The following IGF2R variants were observed in gnomAD, a reference collection of about 807,000 sequenced individuals.
The protein encoded by IGF2R is insulin like growth factor 2 receptor.
In IGF2R, 91 loss-of-function variants were observed where a neutral mutation model predicts 270.6. The ratio of observed to expected loss-of-function variants is 0.34; its 90% CI spans 0.28 to 0.40. IGF2R has a LOEUF of 0.40. Ranked by LOEUF, IGF2R falls within the 10% of genes least tolerant of loss-of-function variation. IGF2R has a pLI of 1.00. For synonymous variants in IGF2R, 1,316 were observed against 1,258.9 expected (o/e 1.05, Z -0.96); for missense variants, 2,805 against 3,188.3 (o/e 0.88, Z 2.90).
chr6:160,019,687 A>G (rs1777387331), intron 4 of IGF2R, among the ~76,000 whole-genome samples: 1 of 152,182 alleles, frequency 6.6e-6, no homozygotes, highest in South Asian at 2.1e-4. Flanking sequence ...AATGTGATTC[A>G]CCATTTAAAC....
At chr6:160,099,392 A>G (rs1047912138) in intron 45 of IGF2R, among the ~76,000 whole-genome samples, 1 of 148,666 alleles carries the variant, frequency 6.7e-6, no homozygotes, top group South Asian at 2.1e-4. Context: ...TTTTTGAGAC[A>G]GAGTCTCGCT....
chr6:160,072,070 A>C (rs1435221761), intron 32 of IGF2R, 34 bp downstream of exon 32: 2 of 1,613,082 alleles, frequency 1.2e-6, no homozygotes, highest in Non-Finnish European at 1.7e-6. Flanking sequence ...ACCCCAGCGC[A>C]GGTGAGAGAC....
At chr6:160,064,243 C>T (rs1305925392) in intron 27 of IGF2R, among the ~76,000 whole-genome samples, 158 bp from the exon 28 acceptor site, 1 of 152,078 alleles carries the variant, frequency 6.6e-6, no homozygotes, top group Non-Finnish European at 1.5e-5. Context: ...GATTTTATTC[C>T]CAAAGTGTAA....
At chr6:160,024,529 A>T (rs375391867) in intron 4 of IGF2R, 43 bp from the exon 5 acceptor site, 41 of 1,602,834 alleles carry the variant, frequency 2.6e-5, no homozygotes, top group African/African-American at 1.9e-4. Flanking sequence ...CTGATTGACC[A>T]AGATGTATAC....
At chr6:160,019,308 C>CA (rs1777377010) in intron 4 of IGF2R, among the ~76,000 whole-genome samples, 1 of 151,946 alleles carries the variant, frequency 6.6e-6, no homozygotes, top group South Asian at 2.1e-4. Flanking sequence ...AAAAACAAAA[C>CA]AAACAAAACA....
chr6:160,094,981 G>A (rs1779317576), intron 44 of IGF2R: 1 of 151,460 alleles, frequency 6.6e-6, no homozygotes, highest in Admixed American at 6.6e-5. Context: ...GGGAGTATGA[G>A]ATCATCCTCT....
chr6:160,085,200 C>A lies in IGF2R; in HGVS notation c.6205+69C>A, dbSNP rs138720160. On this transcript the variant is annotated intron_variant, in intron 41 of 47. Coordinates refer to ENST00000356956, the MANE Select transcript of IGF2R (RefSeq NM_000876.4). ...TGAACCGGGAAGGTGAGGGTGTTCT[C>A]AGGATGGCAAGGAGAGTGAGCATGT... 6,079 of 1,531,704 alleles carry A rather than the reference C, an allele frequency of 4.0e-3. 16 individuals are homozygous for A. Among genetic ancestry groups the A allele is most frequent in the Non-Finnish European group, 4.9e-3 (5,537 of 1,119,996 alleles). 94.9% of individuals were successfully genotyped at this position (1,531,704 alleles called of 1,614,324 possible).
At chr6:160,013,792 C>T (rs1777206613) in intron 4 of IGF2R, among the ~76,000 whole-genome samples, 2 of 152,080 alleles carry the variant, frequency 1.3e-5, no homozygotes, top group Non-Finnish European at 2.9e-5. Context: ...ATAATGACTG[C>T]TAAAAATGTA....
At position 160,073,854 on chromosome 6, in the gene IGF2R, A is replaced by G. The variant is rs369928098; in HGVS notation, c.5045A>G (p.Asp1682Gly). The change falls in exon 35 of 48, where the codon GAT becomes GGT. Residue 1682 changes from aspartate to glycine, a missense_variant. Coordinates refer to ENST00000356956, the MANE Select transcript of IGF2R (RefSeq NM_000876.4). ...GAGGCTTATGATGAGAGTGAGGATG[A>G]TGCCTCCGATACCAACCCTGATTTC... ...GYEAYDESED[D>G]ASDTNPDFYI... is the part of the protein sequence containing the mutation. The G allele has an allele frequency of 6.2e-7, 1 of 1,613,994 alleles. No individual in the cohort carries two copies. The highest frequency in any genetic ancestry group is 8.5e-7 in the Non-Finnish European group (1 of 1,179,866).
At chr6:160,040,832 C>A in intron 11 of IGF2R, 108 bp downstream of exon 11, 1 of 1,104,504 alleles carries the variant, frequency 9.1e-7, no homozygotes, top group Non-Finnish European at 1.3e-6. Flanking sequence ...TGGGTTGCGT[C>A]ACAGCCCTCC....
At chr6:160,054,525 A>G (rs552056108) in intron 19 of IGF2R, among the ~76,000 whole-genome samples, 47 of 152,298 alleles carry the variant, frequency 3.1e-4, no homozygotes, top group Middle Eastern at 3.4e-3. Context: ...GGTTGATACC[A>G]GCAGCAGAGT....
Position 160,110,442 on chromosome 6 carries a change from A to G in IGF2R, c.*5358A>G, listed in dbSNP as rs192336604. On this transcript the variant is annotated 3_prime_UTR_variant, in exon 48 of 48. Coordinates refer to ENST00000356956, the MANE Select transcript of IGF2R (RefSeq NM_000876.4). ...AGACGAAAGACAACAAGTGTGGGTGAGGATGTGGAGAAAAGCGAACACTTG... is the reference window on the plus strand; with the variant it reads ...AGACGAAAGACAACAAGTGTGGGTGGGGATGTGGAGAAAAGCGAACACTTG... The G allele has an allele frequency of 6.6e-6, 1 of 152,374 alleles. No homozygotes were observed. Among genetic ancestry groups the G allele is most frequent in the East Asian group, 1.9e-4 (1 of 5,190 alleles). The allele number at this position is 152,374 out of a possible 1,614,324, so 9.4% of individuals were successfully genotyped here. A position where few individuals can be genotyped will look rare whatever the true frequency, so the allele number is the denominator to read the frequency against.
chr6:160,057,454 G>A (rs554010212), intron 20 of IGF2R, among the ~76,000 whole-genome samples: 2 of 152,314 alleles, frequency 1.3e-5, no homozygotes, highest in East Asian at 3.9e-4. Flanking sequence ...CCCAGCACAG[G>A]GTCCTGGCTT....
chr6:160,047,152 A>C lies in IGF2R; in HGVS notation c.2052-7A>C. On this transcript the variant is annotated splice_region_variant and splice_polypyrimidine_tract_variant and intron_variant, in intron 15 of 47. Transcript: ENST00000356956. ...TCTTTGCTGAGAGAAACGTGTGTTT[A>C]TTTCAGTGATGAGAAGACTTGGAAC... The C allele has an allele frequency of 6.2e-7, 1 of 1,613,650 alleles. No individual in the cohort carries two copies. Among genetic ancestry groups the C allele is most frequent in the African/African-American group, 1.3e-5 (1 of 75,014 alleles).
rs754112635 is a variant in IGF2R at position 160,043,121 on chromosome 6, C to G, written c.1481-27C>G. 5 of 1,611,560 alleles carry G rather than the reference C, an allele frequency of 3.1e-6. No homozygotes were observed. The East Asian group carries it at 1.1e-4, about 36-fold the overall frequency. On this transcript the variant is annotated intron_variant, in intron 11 of 47. Transcript: ENST00000356956. The stretch of plus-strand genomic sequence containing the variant: ...TCAGAGAAATCAGCATTGCTTTTGG[C>G]TAAAATACACTTTTGTTTTGTTACA...
chr6:160,083,533 A>G (rs1779031136), intron 39 of IGF2R, among the ~76,000 whole-genome samples: 1 of 152,176 alleles, frequency 6.6e-6, no homozygotes, highest in Non-Finnish European at 1.5e-5. Context: ...TTCTCATCCC[A>G]CGAGGCCATA....
chr6:160,032,370 T>C (rs1165280249), intron 7 of IGF2R, among the ~76,000 whole-genome samples, 181 bp from the exon 8 acceptor site: 2 of 152,196 alleles, frequency 1.3e-5, no homozygotes, highest in Non-Finnish European at 2.9e-5. Context: ...AAAGTAACTT[T>C]ACTGAGTTGT....
chr6:160,068,515 G>T, intron 30 of IGF2R, 130 bp downstream of exon 30: 1 of 1,464,560 alleles, frequency 6.8e-7, no homozygotes, highest in Non-Finnish European at 9.2e-7. Flanking sequence ...GGTGAGAGAG[G>T]GCCTCCTCGT....
At position 160,109,500 on chromosome 6, in the gene IGF2R, A is replaced by G. The variant is rs1458322570; in HGVS notation, c.*4416A>G. The G allele has an allele frequency of 6.6e-6, 1 of 152,218 alleles. No homozygotes were observed. The highest frequency in any genetic ancestry group is 1.5e-5 in the Non-Finnish European group (1 of 68,032). 9.4% of individuals were successfully genotyped at this position (152,218 alleles called of 1,614,324 possible). A position where few individuals can be genotyped will look rare whatever the true frequency, so the allele number is the denominator to read the frequency against. ...ATCATTTGAGACTAAGTTCCCTCCT[A>G]TCACCAGACATTTCTACAAATGAGG... On this transcript the variant is annotated 3_prime_UTR_variant, in exon 48 of 48. Coordinates refer to ENST00000356956, the MANE Select transcript of IGF2R (RefSeq NM_000876.4).
Sources: gnomAD v4.1 joint callset for allele counts (sites outside exome capture counted in the v4.1 genomes callset) on GRCh38, gnomAD v4.1.1 for gene constraint, MANE v1.5 for transcripts, NCBI Gene and HGNC (gene_info 2026-07-23, HGNC 2026-07-21) for gene names.